PDE1C: variants seen among roughly 807,000 people sequenced by gnomAD.
The protein encoded by PDE1C is phosphodiesterase 1C.
Under a neutral mutation model 93.1 loss-of-function variants are expected in PDE1C, and 62 were observed. The observed-to-expected ratio is 0.67, with a 90% CI of 0.54 to 0.82. PDE1C has a LOEUF of 0.82. PDE1C is among the 40% of genes least tolerant of loss of function. The pLI is 0.00. For synonymous variants in PDE1C, 325 were observed against 310.1 expected (o/e 1.05, Z -0.50); for missense variants, 742 against 884.6 (o/e 0.84, Z 2.04).
chr7:32,260,920 A>G (rs1368950835), intron 1 of PDE1C, among the ~76,000 whole-genome samples: 1 of 152,166 alleles, frequency 6.6e-6, no homozygotes, highest in Non-Finnish European at 1.5e-5. Context: ...CAGGAGTTCA[A>G]GACAACATGG....
At chr7:32,190,752 C>T (rs534710071) in intron 2 of PDE1C, among the ~76,000 whole-genome samples, 18 of 152,210 alleles carry the variant, frequency 1.2e-4, no homozygotes, top group African/African-American at 3.9e-4. Flanking sequence ...GGGAGACAGC[C>T]ATTAAAGATA....
At chr7:31,743,329 T>G in the PDE1C span, among the ~76,000 whole-genome samples, 1 of 152,128 alleles carries the variant, frequency 6.6e-6, no homozygotes, top group Non-Finnish European at 1.5e-5. Context: ...ACGGGCCTTC[T>G]TCGGATCAAA....
chr7:32,109,985 T>C (rs1042424078), intron 3 of PDE1C, among the ~76,000 whole-genome samples: 12 of 152,104 alleles, frequency 7.9e-5, no homozygotes, highest in Admixed American at 3.3e-4. Context: ...ATGTTCAACT[T>C]AGATATATTT....
At chr7:32,402,882 A>G (rs111245815) in intron 1 of PDE1C, among the ~76,000 whole-genome samples, 5 of 152,330 alleles carry the variant, frequency 3.3e-5, no homozygotes, top group South Asian at 2.1e-4. Context: ...AAAGTTCATT[A>G]TGTTGGGCCC....
intron 8 of PDE1C, among the ~76,000 whole-genome samples, chr7:31,850,006 C>T (rs937605754): frequency 5.3e-5 from 8 of 152,044 alleles, no homozygotes; most frequent in Admixed American, 1.3e-4. Flanking sequence ...CAGGAGGTTC[C>T]GAGTGGGGCA....
chr7:32,406,001 T>G (rs1785044210), intron 1 of PDE1C, among the ~76,000 whole-genome samples: 1 of 152,126 alleles, frequency 6.6e-6, no homozygotes, highest in Non-Finnish European at 1.5e-5. Flanking sequence ...CAAAGAACCT[T>G]TCATGTCCAT....
intron 3 of PDE1C, among the ~76,000 whole-genome samples, chr7:32,120,117 G>A (rs1799214075): frequency 1.3e-5 from 2 of 152,218 alleles, no homozygotes; most frequent in African/African-American, 4.8e-5. Flanking sequence ...CACCAGCTGT[G>A]TTAGACGGCG....
chr7:32,322,978 T>A (rs1218191879), intron 1 of PDE1C, among the ~76,000 whole-genome samples: 2 of 152,126 alleles, frequency 1.3e-5, no homozygotes, highest in African/African-American at 4.8e-5. Context: ...TTGCTATGCT[T>A]CAGTGGTTTG....
At chr7:31,829,230 A>G (rs1203988244) in intron 11 of PDE1C, among the ~76,000 whole-genome samples, 4 of 152,092 alleles carry the variant, frequency 2.6e-5, no homozygotes, top group African/African-American at 9.7e-5. Flanking sequence ...CAGGTAAGTT[A>G]TTTTCCTTCC....
chr7:31,858,535 C>A (rs1361646957), intron 7 of PDE1C, among the ~76,000 whole-genome samples: 1 of 151,924 alleles, frequency 6.6e-6, no homozygotes, highest in Non-Finnish European at 1.5e-5. Flanking sequence ...TACAGCCTAC[C>A]CTAAGGAAAA....
intron 2 of PDE1C, among the ~76,000 whole-genome samples, chr7:31,965,178 C>T (rs916385048): frequency 1.7e-4 from 26 of 151,594 alleles, no homozygotes; most frequent in East Asian, 3.9e-4. Flanking sequence ...GGAGGAAGTT[C>T]GAACCAATGG....
chr7:32,287,901 C>A (rs1359276115), intron 1 of PDE1C, among the ~76,000 whole-genome samples: 4 of 152,214 alleles, frequency 2.6e-5, no homozygotes, highest in Admixed American at 6.5e-5. Flanking sequence ...GATGCCCAAG[C>A]TTTCAAAAAT....
chr7:31,757,082 T>C (rs1216796859), intron 17 of PDE1C, among the ~76,000 whole-genome samples: 2 of 152,212 alleles, frequency 1.3e-5, no homozygotes. Flanking sequence ...TCATAGGGAA[T>C]TGGTTAAATT....
At chr7:31,700,951 C>T in the PDE1C span, among the ~76,000 whole-genome samples, 5 of 152,188 alleles carry the variant, frequency 3.3e-5, no homozygotes, top group Middle Eastern at 3.2e-3. Context: ...CAATGTACCT[C>T]ATCACCCAAG....
intron 2 of PDE1C, among the ~76,000 whole-genome samples, chr7:31,983,632 T>G (rs1000668680): frequency 6.6e-6 from 1 of 152,120 alleles, no homozygotes; most frequent in Non-Finnish European, 1.5e-5. Flanking sequence ...AATAATAATT[T>G]TTTTTAAAAA....
chr7:32,076,649 A>G (rs1456006783), intron 3 of PDE1C, among the ~76,000 whole-genome samples: 1 of 130,042 alleles, frequency 7.7e-6, no homozygotes. Flanking sequence ...TCTCAAAAAA[A>G]AAAAAAAAGA....
At chr7:31,809,908 T>C (rs913495343) in intron 15 of PDE1C, among the ~76,000 whole-genome samples, 4 of 152,028 alleles carry the variant, frequency 2.6e-5, no homozygotes, top group Admixed American at 6.6e-5. Flanking sequence ...TCTTCAAGAG[T>C]AGCATTCAGC....
At chr7:32,164,792 T>C (rs1261355187) in intron 3 of PDE1C, among the ~76,000 whole-genome samples, 1 of 152,208 alleles carries the variant, frequency 6.6e-6, no homozygotes, top group Non-Finnish European at 1.5e-5. Context: ...GACAAACCTC[T>C]CTCAGCAGCC....
chr7:32,048,421 G>A (rs889417810), intron 2 of PDE1C, among the ~76,000 whole-genome samples: 4 of 152,004 alleles, frequency 2.6e-5, no homozygotes, highest in African/African-American at 9.7e-5. Flanking sequence ...CCAGACAAGT[G>A]CAATTGCCCT....
Sources: allele counts gnomAD v4.1 joint callset (sites outside exome capture counted in the v4.1 genomes callset), GRCh38; gene constraint gnomAD v4.1.1; transcripts MANE v1.5; gene names NCBI Gene and HGNC (gene_info 2026-07-23, HGNC 2026-07-21).